CTBP2: variants seen among roughly 807,000 people sequenced by gnomAD.
The protein encoded by CTBP2 is C-terminal binding protein 2, also known as C-terminal-binding protein 2.
A neutral mutation model predicts 80.3 loss-of-function variants in CTBP2; 30 were observed. The observed-to-expected ratio is 0.37, with a 90% CI of 0.28 to 0.51. The LOEUF is 0.51. Among genes scored for constraint, CTBP2 ranks in the 20% least tolerant of loss-of-function variants. CTBP2 has a pLI of 0.93. For missense variants in CTBP2, 1,212 were observed against 1,375.3 expected, an observed-to-expected ratio of 0.88 and a Z score of 1.88; for synonymous variants, 594 against 587.4, an observed-to-expected ratio of 1.01 and a Z score of -0.16.
chr10:125,090,016 A>G (rs998532142), intron 2 of CTBP2, among the ~76,000 whole-genome samples: 2 of 152,186 alleles, frequency 1.3e-5, no homozygotes, highest in African/African-American at 4.8e-5. Flanking sequence ...GTCAGCACCA[A>G]TGCAATAGTC....
intron 3 of CTBP2, among the ~76,000 whole-genome samples, chr10:125,036,249 A>G (rs1211883897): frequency 1.3e-5 from 2 of 152,188 alleles, no homozygotes; most frequent in East Asian, 3.9e-4. Flanking sequence ...AGGTTGTACA[A>G]GTATCTGTGC....
chr10:125,090,439 GAAT>G (rs1380481473), intron 2 of CTBP2, among the ~76,000 whole-genome samples: 4 of 149,598 alleles, frequency 2.7e-5, no homozygotes, highest in East Asian at 1.9e-4. Context: ...AAAAAATATG[GAAT>G]AATAATGGTT....
At position 125,017,863 on chromosome 10, in the gene CTBP2, C is replaced by T. The variant is rs117931097; in HGVS notation, c.1678+8219G>A. ...TCCGGTGTGATGCGGTTCTCAGAGC[C>T]GTGGGGGGCAGGTAGGGTGGGCACC... On this transcript the variant is annotated intron_variant, in intron 1 of 8. Coordinates refer to ENST00000309035, the MANE Select transcript of CTBP2 (RefSeq NM_022802.3). Among the ~76,000 whole-genome samples the T allele has an allele frequency of 5.3e-5, 8 of 152,266 alleles. No homozygotes were observed. In the East Asian group the frequency reaches 1.2e-3, roughly 22 times the overall value.
At chr10:125,005,793 G>C (rs774463944) in intron 1 of CTBP2, 31 of 1,612,346 alleles carry the variant, frequency 1.9e-5, no homozygotes, top group Admixed American at 3.3e-5. Flanking sequence ...GTGGGGCCTG[G>C]AAGTCCTGGT....
At chr10:125,023,548 C>T (rs189652921) in intron 1 of CTBP2, among the ~76,000 whole-genome samples, 99 of 152,294 alleles carry the variant, frequency 6.5e-4, no homozygotes, top group Non-Finnish European at 1.1e-3. Context: ...GAGCGACAGC[C>T]GACCCCACCA....
intron 2 of CTBP2, among the ~76,000 whole-genome samples, chr10:125,040,996 C>A (rs1959575054): frequency 6.6e-6 from 1 of 152,238 alleles, no homozygotes; most frequent in Admixed American, 6.5e-5. Flanking sequence ...TCGGATCAGT[C>A]AGGAGATGGA....
intron 2 of CTBP2, among the ~76,000 whole-genome samples, chr10:125,104,662 ACCT>A (rs1362065400): frequency 1.3e-5 from 2 of 151,612 alleles, no homozygotes; most frequent in East Asian, 1.9e-4. Context: ...TTCTTTGAAA[ACCT>A]CCTATTTATC....
chr10:125,144,864 T>C (rs1477382445), intron 1 of CTBP2, among the ~76,000 whole-genome samples: 2 of 152,238 alleles, frequency 1.3e-5, no homozygotes, highest in Non-Finnish European at 2.9e-5. Context: ...CTAGCAGGTA[T>C]GCTCTGACAC....
At chr10:125,149,663 A>G (rs572495950) in intron 1 of CTBP2, among the ~76,000 whole-genome samples, 1 of 152,368 alleles carries the variant, frequency 6.6e-6, no homozygotes, top group African/African-American at 2.4e-5. Context: ...GTGTTCACAA[A>G]AAGAAGAGAA....
intron 2 of CTBP2, among the ~76,000 whole-genome samples, chr10:125,069,737 G>A (rs185165237): frequency 2.2e-4 from 33 of 152,250 alleles, no homozygotes; most frequent in African/African-American, 7.9e-4. Flanking sequence ...CATCTAATCA[G>A]GACATGGAGA....
rs776188620 is a variant in CTBP2 at position 125,026,923 on chromosome 10, G to A, written c.837C>T (p.Thr279=). 3 of 1,613,962 alleles carry A rather than the reference G, an allele frequency of 1.9e-6. No homozygotes were observed. The Admixed American group carries it at 5.0e-5, about 27-fold the overall frequency. Reference sequence around the variant, plus strand: ...TCCTCTTGCCACCAGGACCCTGGAAGGTGGACAGGTCAGCTTCGTAAGTCT... The same window carrying A: ...TCCTCTTGCCACCAGGACCCTGGAAAGTGGACAGGTCAGCTTCGTAAGTCT... Residue 279 remains threonine, a synonymous_variant, in exon 1 of 9, where the codon ACC becomes ACT. Coordinates refer to ENST00000309035, the MANE Select transcript of CTBP2 (RefSeq NM_022802.3).
chr10:125,090,063 C>A (rs1404898441), intron 2 of CTBP2, among the ~76,000 whole-genome samples: 1 of 152,076 alleles, frequency 6.6e-6, no homozygotes, highest in East Asian at 1.9e-4. Flanking sequence ...TTGCTCTGGA[C>A]AGGTAACTCC....
chr10:125,076,791 C>T (rs1241992934), intron 2 of CTBP2, among the ~76,000 whole-genome samples: 3 of 152,200 alleles, frequency 2.0e-5, no homozygotes, highest in South Asian at 2.1e-4. Context: ...AGAGATGGCT[C>T]GTTCCTTGTG....
intron 3 of CTBP2, chr10:125,000,259 C>T (rs998266496): frequency 2.7e-5 from 4 of 149,918 alleles, no homozygotes; most frequent in Non-Finnish European, 5.9e-5. Flanking sequence ...CCATAACCCT[C>T]ACCGCTCTCT....
At chr10:125,007,854 C>T (rs1478503063) in intron 1 of CTBP2, among the ~76,000 whole-genome samples, 1 of 152,156 alleles carries the variant, frequency 6.6e-6, no homozygotes. Context: ...GACAACCTGC[C>T]CCAGGGTAAA....
intron 2 of CTBP2, among the ~76,000 whole-genome samples, chr10:125,102,306 C>A (rs769992808): frequency 1.3e-5 from 2 of 152,236 alleles, no homozygotes; most frequent in Non-Finnish European, 2.9e-5. Flanking sequence ...CAATTAGAAT[C>A]ATTACCTTCC....
intron 1 of CTBP2, among the ~76,000 whole-genome samples, chr10:125,004,461 G>GC (rs11371876): frequency 0.22 from 34,077 of 152,026 alleles, 4,303 homozygotes; most frequent in Middle Eastern, 0.39. Context: ...AACAAAAACT[G>GC]CCCCCTTCAA....
At chr10:125,018,590 C>A (rs1466264073) in intron 1 of CTBP2, among the ~76,000 whole-genome samples, 2 of 149,726 alleles carry the variant, frequency 1.3e-5, no homozygotes, top group Non-Finnish European at 3.0e-5. Flanking sequence ...CAAACAAACT[C>A]CACAATAGTG....
intron 2 of CTBP2, among the ~76,000 whole-genome samples, chr10:125,071,682 G>A (rs1340692874): frequency 6.6e-6 from 1 of 152,170 alleles, no homozygotes; most frequent in African/African-American, 2.4e-5. Flanking sequence ...TAGAGCCAGT[G>A]AAGAATAAAA....
Sources: allele counts gnomAD v4.1 joint callset (sites outside exome capture counted in the v4.1 genomes callset), GRCh38; gene constraint gnomAD v4.1.1; transcripts MANE v1.5; gene names NCBI Gene and HGNC (gene_info 2026-07-23, HGNC 2026-07-21).